The following MAP2 variants were observed in gnomAD, a reference collection of about 807,000 sequenced individuals.
The protein encoded by MAP2 is microtubule-associated protein 2.
A neutral mutation model predicts 137.6 loss-of-function variants in MAP2; 14 were observed. The ratio of observed to expected loss-of-function variants is 0.10; its 90% CI spans 0.07 to 0.16. MAP2 has a LOEUF of 0.16. Ranked by LOEUF, MAP2 falls within the 10% of genes least tolerant of loss-of-function variation. The pLI is 1.00. For synonymous variants in MAP2, 786 were observed against 782.3 expected, an observed-to-expected ratio of 1.00 and a Z score of -0.08; for missense variants, 2,088 against 2,191.5, an observed-to-expected ratio of 0.95 and a Z score of 0.94.
At chr2:209,697,543 G>A (rs114616621) in intron 10 of MAP2, among the ~76,000 whole-genome samples, 30 of 151,808 alleles carry the variant, frequency 2.0e-4, no homozygotes, top group Admixed American at 2.0e-3. Flanking sequence ...AGCAAGCCAG[G>A]AAGTGAAATT....
In MAP2 at chr2:209,598,019, T is replaced by A. The variant is rs146297867; in HGVS notation, c.-107+17919T>A. On this transcript the variant is annotated intron_variant, in intron 3 of 15. Transcript: ENST00000682079. The stretch of plus-strand genomic sequence containing the variant: ...TTCTTTTTTATTTATTTATTTATTT[T>A]TTTTGAGACTGAGTCTTGCTCTGTC... Among the ~76,000 whole-genome samples the A allele has an allele frequency of 5.1e-3, 771 of 152,226 alleles. 6 individuals carry two copies. The highest frequency in any genetic ancestry group is 0.017 in the Middle Eastern group (5 of 294).
chr2:209,579,363 A>G (rs962655127), intron 2 of MAP2: 2 of 152,174 alleles, frequency 1.3e-5, no homozygotes, highest in African/African-American at 4.8e-5. Flanking sequence ...ACTCCTGGGG[A>G]CACACTTGGA....
intron 4 of MAP2, among the ~76,000 whole-genome samples, chr2:209,651,592 A>G (rs1381774879): frequency 6.6e-6 from 1 of 152,184 alleles, no homozygotes; most frequent in Non-Finnish European, 1.5e-5. Flanking sequence ...CTGTGCACAC[A>G]ATTCTTTTCA....
intron 5 of MAP2, among the ~76,000 whole-genome samples, chr2:209,668,145 T>C (rs1400816582): frequency 1.3e-5 from 2 of 152,082 alleles, no homozygotes; most frequent in East Asian, 1.9e-4. Flanking sequence ...AGATATCATT[T>C]CTATTCTGAT....
At chr2:209,616,403 A>T (rs541084566) in intron 3 of MAP2, among the ~76,000 whole-genome samples, 5 of 145,954 alleles carry the variant, frequency 3.4e-5, no homozygotes, top group African/African-American at 1.4e-4. Context: ...TTTTACTTCA[A>T]AGACCAAATT....
In MAP2 at chr2:209,693,601, A is replaced by G; in HGVS notation, c.1431A>G (p.Thr477=). Residue 477 remains threonine, a synonymous_variant, in exon 8 of 16, where the codon ACA becomes ACG. Transcript: ENST00000682079. ...AAATAGGCATAATTCAGACCTCCACAGAGCACACTTTCTCAGAACAGAAAG... is the reference window on the plus strand; with the variant it reads ...AAATAGGCATAATTCAGACCTCCACGGAGCACACTTTCTCAGAACAGAAAG... The part of the protein sequence containing the change: ...DEEIGIIQTS[T]EHTFSEQKDQ... 1.2e-6 allele frequency: 2 copies of G among 1,614,010 alleles called. No homozygotes were observed. The highest frequency in any genetic ancestry group is 1.7e-6 in the Non-Finnish European group (2 of 1,180,004).
At chr2:209,546,086 T>A (rs2068003684) in intron 2 of MAP2, among the ~76,000 whole-genome samples, 2 of 152,126 alleles carry the variant, frequency 1.3e-5, no homozygotes, top group South Asian at 4.1e-4. Flanking sequence ...GAGGTTGCGG[T>A]AAGCCGAGAT....
intron 11 of MAP2, 27 bp downstream of exon 11, chr2:209,700,365 C>T (rs1474348843): frequency 6.4e-7 from 1 of 1,570,092 alleles, no homozygotes; most frequent in Non-Finnish European, 8.7e-7. Flanking sequence ...TTTCCTTGTT[C>T]TTCATTTGAA....
At chr2:209,614,801 A>G (rs933996655) in intron 3 of MAP2, among the ~76,000 whole-genome samples, 6 of 152,182 alleles carry the variant, frequency 3.9e-5, no homozygotes, top group African/African-American at 1.2e-4. Flanking sequence ...CACTGTGCTA[A>G]TTAAGTGATC....
At chr2:209,489,133 A>T (rs770542630) in intron 1 of MAP2, among the ~76,000 whole-genome samples, 2 of 152,210 alleles carry the variant, frequency 1.3e-5, no homozygotes, top group African/African-American at 2.4e-5. Context: ...TTCGCTGATG[A>T]TACCCAGGCA....
At chr2:209,580,338 C>T (rs1453362943) in intron 3 of MAP2, among the ~76,000 whole-genome samples, 2 of 152,036 alleles carry the variant, frequency 1.3e-5, no homozygotes, top group Non-Finnish European at 2.9e-5. Flanking sequence ...CAAATATCAA[C>T]ATGTTTGGCT....
rs145899920 is a variant in MAP2 at position 209,459,288 on chromosome 2, T to G, written c.-222+35012T>G. 1.7e-3 allele frequency among the ~76,000 whole-genome samples: 265 copies of G among 152,276 alleles called. 1 individual carries two copies. Among genetic ancestry groups the G allele is most frequent in the African/African-American group, 6.1e-3 (255 of 41,548 alleles). On this transcript the variant is annotated intron_variant, in intron 1 of 15. Transcript: ENST00000682079. ...CCATTCATATAGTTTTGAGGTTGAA[T>G]AGTGAGTCAGTGAAGTGAGACATGG...
chr2:209,551,600 A>G (rs1398891873), intron 2 of MAP2, among the ~76,000 whole-genome samples: 1 of 152,128 alleles, frequency 6.6e-6, no homozygotes, highest in Non-Finnish European at 1.5e-5. Flanking sequence ...ATTTATTTTC[A>G]GGATTTGGTT....
At chr2:209,574,974 A>G (rs570108520) in intron 2 of MAP2, among the ~76,000 whole-genome samples, 1 of 152,356 alleles carries the variant, frequency 6.6e-6, no homozygotes, top group South Asian at 2.1e-4. Flanking sequence ...TACAAAGGTC[A>G]TTCCAAAATA....
chr2:209,724,020 C>T (rs563726637), intron 13 of MAP2, among the ~76,000 whole-genome samples: 12 of 152,206 alleles, frequency 7.9e-5, no homozygotes, highest in Non-Finnish European at 1.6e-4. Flanking sequence ...CACGTTGTTT[C>T]TACTCCACTA....
intron 3 of MAP2, among the ~76,000 whole-genome samples, chr2:209,598,227 G>T (rs930630352): frequency 6.6e-6 from 1 of 151,504 alleles, no homozygotes; most frequent in Admixed American, 6.6e-5. Flanking sequence ...GGCTGGTCGC[G>T]AACTCCTGAT....
chr2:209,605,255 G>A (rs1299690358), intron 3 of MAP2, among the ~76,000 whole-genome samples: 1 of 152,020 alleles, frequency 6.6e-6, no homozygotes, highest in East Asian at 1.9e-4. Context: ...CAGCCCTTAT[G>A]GAAATAGATT....
chr2:209,564,166 A>G (rs951099058), intron 2 of MAP2, among the ~76,000 whole-genome samples: 2 of 152,226 alleles, frequency 1.3e-5, no homozygotes, highest in African/African-American at 4.8e-5. Flanking sequence ...AGAAAAATGA[A>G]GGGAAATTCA....
At chr2:209,533,810 G>A (rs2065517413) in intron 2 of MAP2, among the ~76,000 whole-genome samples, 1 of 152,184 alleles carries the variant, frequency 6.6e-6, no homozygotes, top group African/African-American at 2.4e-5. Flanking sequence ...AGAGGTGCTT[G>A]AAGATCAAAA....
Sources: gnomAD v4.1 joint callset for allele counts (sites outside exome capture counted in the v4.1 genomes callset) on GRCh38, gnomAD v4.1.1 for gene constraint, MANE v1.5 for transcripts, NCBI Gene and HGNC (gene_info 2026-07-23, HGNC 2026-07-21) for gene names.